PKP4: variants seen among roughly 807,000 people sequenced by gnomAD.
The protein encoded by PKP4 is plakophilin-4.
A neutral mutation model predicts 145.1 loss-of-function variants in PKP4; 90 were observed. That is an observed-to-expected ratio of 0.62 (90% CI 0.52 to 0.74). The LOEUF is 0.74. Ranked by LOEUF, PKP4 falls within the 30% of genes least tolerant of loss-of-function variation. The pLI is 0.00. For missense variants in PKP4, 1,340 were observed against 1,482.7 expected, an observed-to-expected ratio of 0.90 and a Z score of 1.58; for synonymous variants, 563 against 577.2, an observed-to-expected ratio of 0.98 and a Z score of 0.35.
At chr2:158,593,198 G>A (rs1367210398) in intron 3 of PKP4, among the ~76,000 whole-genome samples, 1 of 152,120 alleles carries the variant, frequency 6.6e-6, no homozygotes, top group Non-Finnish European at 1.5e-5. Context: ...ATAGTTCCCA[G>A]TAGCCCCTCT....
Position 158,673,874 on chromosome 2 carries a change from ACT to A in PKP4, c.3010-6_3010-5del, listed in dbSNP as rs1460005112. ...TTTTGAGAGGTTTCTTTTTCTCTTAACTCTGCAGGATGGGTGGAATCAGAACC... is the reference window on the plus strand; with the variant it reads ...TTTTGAGAGGTTTCTTTTTCTCTTAACTGCAGGATGGGTGGAATCAGAACC... On this transcript the variant is annotated splice_region_variant and splice_polypyrimidine_tract_variant and intron_variant, in intron 18 of 21. Coordinates refer to ENST00000389759, the MANE Select transcript of PKP4 (RefSeq NM_003628.6). 6.3e-7 allele frequency: 1 copy of A among 1,579,640 alleles called. No homozygotes were observed. Among genetic ancestry groups the A allele is most frequent in the Non-Finnish European group, 8.7e-7 (1 of 1,148,510 alleles).
chr2:158,599,999 A>G (rs1487030048), intron 3 of PKP4, among the ~76,000 whole-genome samples: 1 of 152,220 alleles, frequency 6.6e-6, no homozygotes, highest in Non-Finnish European at 1.5e-5. Context: ...TTGCATCTGA[A>G]TGAAAAAAAT....
Position 158,481,635 on chromosome 2 carries a change from A to T in PKP4, c.-6+24417A>T, listed in dbSNP as rs368507860. The stretch of plus-strand genomic sequence containing the variant: ...AGTTTTGATTTACATTTCCCTAATG[A>T]CTAGATACATTTGAGTATCTTTTCA... On this transcript the variant is annotated intron_variant, in intron 1 of 21. Coordinates refer to ENST00000389759, the MANE Select transcript of PKP4 (RefSeq NM_003628.6). 2.6e-5 allele frequency among the ~76,000 whole-genome samples: 4 copies of T among 152,214 alleles called. No homozygotes were observed. In the South Asian group the frequency reaches 6.2e-4, roughly 24 times the overall value.
chr2:158,641,950 T>G (rs1186238408), intron 10 of PKP4, among the ~76,000 whole-genome samples: 3 of 151,862 alleles, frequency 2.0e-5, no homozygotes, highest in Admixed American at 2.0e-4. Context: ...ACCACTTAAA[T>G]CTCCTATCTT....
rs543406686 is a variant in PKP4 at position 158,641,719 on chromosome 2, A to T, written c.1696-767A>T. 3.9e-5 allele frequency among the ~76,000 whole-genome samples: 6 copies of T among 152,344 alleles called. No individual in the cohort carries two copies. The South Asian group carries it at 1.2e-3, about 32-fold the overall frequency. On this transcript the variant is annotated intron_variant, in intron 10 of 21. Coordinates refer to ENST00000389759, the MANE Select transcript of PKP4 (RefSeq NM_003628.6). ...GAAATACTCAAATAATGTACTAATGAATTGACAAATGGAAGAAAATTTAAG... is the reference window on the plus strand; with the variant it reads ...GAAATACTCAAATAATGTACTAATGTATTGACAAATGGAAGAAAATTTAAG...
chr2:158,609,604 A>G (rs1455686645), intron 4 of PKP4, among the ~76,000 whole-genome samples: 4 of 152,186 alleles, frequency 2.6e-5, no homozygotes, highest in Non-Finnish European at 4.4e-5. Context: ...TAGAGATGCA[A>G]TGGTTTGATC....
intron 7 of PKP4, among the ~76,000 whole-genome samples, chr2:158,630,787 TATA>T (rs1399229441): frequency 6.6e-6 from 1 of 152,230 alleles, no homozygotes; most frequent in African/African-American, 2.4e-5. Flanking sequence ...GTGAAAATGA[TATA>T]ATAATAAGTC....
At chr2:158,651,748 A>T (rs988482847) in intron 11 of PKP4, among the ~76,000 whole-genome samples, 8 of 152,022 alleles carry the variant, frequency 5.3e-5, no homozygotes, top group Non-Finnish European at 1.2e-4. Context: ...CTTTGGAGCC[A>T]GGTTGACTTG....
In PKP4 at chr2:158,500,595, G is replaced by GAAAAATTCTGTGGAATT. The variant is rs1236709087; in HGVS notation, c.-5-32585_-5-32584insAAAAATTCTGTGGAATT. Among the ~76,000 whole-genome samples the GAAAAATTCTGTGGAATT allele has an allele frequency of 7.2e-5, 11 of 152,288 alleles. No homozygotes were observed. In the East Asian group the frequency reaches 2.1e-3, roughly 29 times the overall value. On this transcript the variant is annotated intron_variant, in intron 1 of 21. Transcript: ENST00000389759. Reference sequence around the variant, plus strand: ...AATGGCCTCTATTTTTCTTCCACAAGTTTCTTCCAATTCAGAGCCCGTGCC... The same window carrying GAAAAATTCTGTGGAATT: ...AATGGCCTCTATTTTTCTTCCACAAGAAAAATTCTGTGGAATTTTTCTTCCAATTCAGAGCCCGTGCC...
intron 2 of PKP4, among the ~76,000 whole-genome samples, chr2:158,542,533 T>C (rs2044611071): frequency 6.6e-6 from 1 of 152,176 alleles, no homozygotes; most frequent in Non-Finnish European, 1.5e-5. Context: ...GAATAATTTA[T>C]CTAGTTGAAT....
At chr2:158,584,858 C>G (rs1482917577) in intron 3 of PKP4, among the ~76,000 whole-genome samples, 1 of 152,032 alleles carries the variant, frequency 6.6e-6, no homozygotes, top group Non-Finnish European at 1.5e-5. Flanking sequence ...GTTATCTATT[C>G]TTTGTTTTTT....
intron 1 of PKP4, among the ~76,000 whole-genome samples, chr2:158,505,885 T>A (rs890776652): frequency 6.6e-6 from 1 of 151,916 alleles, no homozygotes; most frequent in African/African-American, 2.4e-5. Flanking sequence ...TGTGCCCACC[T>A]TTCCACCAGC....
intron 1 of PKP4, among the ~76,000 whole-genome samples, chr2:158,516,862 T>C (rs1110508): frequency 0.88 from 132,688 of 151,564 alleles, 58,363 homozygotes; most frequent in Middle Eastern, 0.93. Flanking sequence ...GGGATTTCAC[T>C]GTGTTGGCCA....
chr2:158,588,720 A>G (rs1286035684), intron 3 of PKP4, among the ~76,000 whole-genome samples: 1 of 152,164 alleles, frequency 6.6e-6, no homozygotes, highest in Non-Finnish European at 1.5e-5. Context: ...AATAAATCTC[A>G]AATTATCCAA....
intron 2 of PKP4, among the ~76,000 whole-genome samples, chr2:158,571,242 G>A (rs1177781080): frequency 3.9e-5 from 6 of 152,148 alleles, no homozygotes; most frequent in Admixed American, 2.6e-4. Context: ...TAGATGGCTC[G>A]AGGCTCAAAA....
intron 3 of PKP4, chr2:158,588,184 C>T (rs1184187175): frequency 6.6e-6 from 1 of 152,098 alleles, no homozygotes; most frequent in Admixed American, 6.6e-5. Flanking sequence ...GAGAAGTAGA[C>T]TATTTGGATC....
At chr2:158,562,405 A>G (rs1053003577) in intron 2 of PKP4, among the ~76,000 whole-genome samples, 2 of 152,226 alleles carry the variant, frequency 1.3e-5, no homozygotes, top group South Asian at 2.1e-4. Context: ...AATAGTATAT[A>G]CATAATTTCA....
At position 158,629,205 on chromosome 2, in the gene PKP4, T is replaced by C. The variant is rs148042099; in HGVS notation, c.1154-2548T>C. Among the ~76,000 whole-genome samples the C allele has an allele frequency of 2.8e-4, 43 of 152,312 alleles. No individual in the cohort carries two copies. In the East Asian group the frequency reaches 8.1e-3, roughly 29 times the overall value. On this transcript the variant is annotated intron_variant, in intron 7 of 21. Coordinates refer to ENST00000389759, the MANE Select transcript of PKP4 (RefSeq NM_003628.6). ...TTTAAAGTTGGTTTCCATGGCCCCC[T>C]CCTTGGTGTGCTTACCTTCCTCTTT...
intron 1 of PKP4, among the ~76,000 whole-genome samples, chr2:158,523,891 G>C (rs912502847): frequency 7.1e-6 from 1 of 140,566 alleles, no homozygotes; most frequent in Non-Finnish European, 1.5e-5. Context: ...AGCAACGGAA[G>C]ATGAAATGAA....
Sources: gnomAD v4.1 joint callset for allele counts (sites outside exome capture counted in the v4.1 genomes callset) on GRCh38, gnomAD v4.1.1 for gene constraint, MANE v1.5 for transcripts, NCBI Gene and HGNC (gene_info 2026-07-23, HGNC 2026-07-21) for gene names.